FAM98B: variants seen among roughly 807,000 people sequenced by gnomAD.
FAM98B encodes the protein tRNA splicing ligase complex subunit 3B.
Under a neutral mutation model 43.9 loss-of-function variants are expected in FAM98B, and 32 were observed. The ratio of observed to expected loss-of-function variants is 0.73; its 90% CI spans 0.55 to 0.98. FAM98B has a LOEUF of 0.98. Ranked by LOEUF, FAM98B falls within the 50% of genes least tolerant of loss-of-function variation. The pLI is 0.00. For synonymous variants in FAM98B, 190 were observed against 174.0 expected (o/e 1.09, Z -0.72); for missense variants, 514 against 522.9 (o/e 0.98, Z 0.17).
chr15:38,474,445 A>G (rs887440709), intron 6 of FAM98B, 147 bp downstream of exon 6: 18 of 560,354 alleles, frequency 3.2e-5, no homozygotes, highest in Non-Finnish European at 3.2e-6. Context: ...TTACAAGATG[A>G]TCCTGGTCTT....
At chr15:38,461,812 A>C (rs62002926) in intron 1 of FAM98B, among the ~76,000 whole-genome samples, 1,738 of 152,282 alleles carry the variant, frequency 0.011, 20 homozygotes, top group Non-Finnish European at 0.019. Context: ...AAAGTTTGAC[A>C]ACTTTGATGA....
chr15:38,457,740 G>A (rs1360725544), intron 1 of FAM98B, among the ~76,000 whole-genome samples: 1 of 152,088 alleles, frequency 6.6e-6, no homozygotes, highest in African/African-American at 2.4e-5. Context: ...GTTGGGGAGT[G>A]TCCAAGAGGT....
At chr15:38,457,168 G>T (rs1889861877) in intron 1 of FAM98B, among the ~76,000 whole-genome samples, 1 of 152,134 alleles carries the variant, frequency 6.6e-6, no homozygotes, top group African/African-American at 2.4e-5. Context: ...TAAAATTCAA[G>T]GATTCATTTC....
Position 38,486,864 on chromosome 15 carries a change from T to G in FAM98B, c.*2205T>G, listed in dbSNP as rs1890383331. 6.6e-6 allele frequency: 1 copy of G among 152,130 alleles called. No individual in the cohort carries two copies. The highest frequency in any genetic ancestry group is 2.4e-5 in the African/African-American group (1 of 41,454). The allele number at this position is 152,130 out of a possible 1,614,324, so 9.4% of individuals were successfully genotyped here. ...GGGGCCTTAATGGGAAAGGCCATAG[T>G]GTGAAAATGTTTTATAAATTGAGTG... is the stretch of plus-strand genomic sequence containing the variant. On this transcript the variant is annotated 3_prime_UTR_variant, in exon 8 of 8. Coordinates refer to ENST00000397609, the MANE Select transcript of FAM98B (RefSeq NM_173611.4).
intron 6 of FAM98B, among the ~76,000 whole-genome samples, chr15:38,476,858 T>C (rs1272926722): frequency 2.0e-5 from 3 of 152,048 alleles, no homozygotes; most frequent in Non-Finnish European, 4.4e-5. Context: ...GGCCATGGTA[T>C]TGTGTGCCTA....
At chr15:38,466,651 C>T (rs1298698225) in intron 3 of FAM98B, among the ~76,000 whole-genome samples, 1 of 151,954 alleles carries the variant, frequency 6.6e-6, no homozygotes, top group Non-Finnish European at 1.5e-5. Context: ...TTAATGGGTA[C>T]AGAGTTTCAG....
rs148038285 is a variant in FAM98B at position 38,471,324 on chromosome 15, A to G, written c.531+919A>G. 7.4e-4 allele frequency among the ~76,000 whole-genome samples: 113 copies of G among 152,224 alleles called. 1 individual carries two copies. The highest frequency in any genetic ancestry group is 2.6e-3 in the African/African-American group (107 of 41,580). On this transcript the variant is annotated intron_variant, in intron 4 of 7. Transcript: ENST00000397609. ...TTTTTTGGTAGAACTTGCAAACCAG[A>G]GAGTAAGTCTGTGAAAATCAGCTCA...
At chr15:38,462,938 C>G (rs1183454376) in intron 1 of FAM98B, among the ~76,000 whole-genome samples, 1 of 152,102 alleles carries the variant, frequency 6.6e-6, no homozygotes, top group Non-Finnish European at 1.5e-5. Flanking sequence ...GAGGACAAGA[C>G]AAAGGGCTCG....
rs141553952 is a variant in FAM98B at position 38,456,385 on chromosome 15, G to A, written c.71+2153G>A. On this transcript the variant is annotated intron_variant, in intron 1 of 7. Transcript: ENST00000397609. ...CCGAATCATAATCTTCAGAGGTACA[G>A]TACAGACCTGCATATTTTTAAAAAG... Among the ~76,000 whole-genome samples the A allele has an allele frequency of 2.9e-3, 444 of 152,342 alleles. 2 individuals carry two copies. The highest frequency in any genetic ancestry group is 0.01 in the African/African-American group (426 of 41,584).
rs187519736 is a variant in FAM98B at position 38,479,710 on chromosome 15, A to G, written c.730-1582A>G. ...GCATGTTTCTGTGTTTAATTTTTAT[A>G]TATAAATTTCAGAGTAAAATTTTAT... On this transcript the variant is annotated intron_variant, in intron 6 of 7. Coordinates refer to ENST00000397609, the MANE Select transcript of FAM98B (RefSeq NM_173611.4). 2.7e-3 allele frequency among the ~76,000 whole-genome samples: 409 copies of G among 152,270 alleles called. 1 individual carries two copies. The highest frequency in any genetic ancestry group is 6.1e-3 in the Admixed American group (94 of 15,296).
rs1890167853 is a variant in FAM98B at position 38,474,363 on chromosome 15, G to A, written c.729+65G>A. Reference sequence around the variant, plus strand: ...CTATAACAGCTCTTCTGGCTTGCTTGTCTGTTATGTAACCATGCCACATTT... The same window carrying A: ...CTATAACAGCTCTTCTGGCTTGCTTATCTGTTATGTAACCATGCCACATTT... On this transcript the variant is annotated intron_variant, in intron 6 of 7. Coordinates refer to ENST00000397609, the MANE Select transcript of FAM98B (RefSeq NM_173611.4). The A allele has an allele frequency of 3.7e-6, 4 of 1,079,502 alleles. No individual in the cohort carries two copies. The Admixed American group carries it at 5.8e-5, about 16-fold the overall frequency. The allele number at this position is 1,079,502 out of a possible 1,614,324, so 66.9% of individuals were successfully genotyped here.
intron 1 of FAM98B, among the ~76,000 whole-genome samples, chr15:38,460,638 C>T (rs930245800): frequency 5.9e-5 from 9 of 152,230 alleles, no homozygotes; most frequent in East Asian, 3.9e-4. Flanking sequence ...TATTCTTATT[C>T]GGTTATCTAG....
intron 4 of FAM98B, 76 bp from the exon 5 acceptor site, chr15:38,473,429 C>T (rs750734369): frequency 1.4e-5 from 14 of 1,027,180 alleles, no homozygotes; most frequent in Middle Eastern, 3.1e-4. Flanking sequence ...GTGTTCAGAG[C>T]GATACTTTAA....
chr15:38,463,068 A>G (rs1253082634), intron 1 of FAM98B, among the ~76,000 whole-genome samples: 1 of 152,224 alleles, frequency 6.6e-6, no homozygotes, highest in African/African-American at 2.4e-5. Context: ...AATGTTAACA[A>G]AAGTTCAGTT....
chr15:38,470,504 A>G (rs1890114438), intron 4 of FAM98B, 99 bp downstream of exon 4: 2 of 1,076,476 alleles, frequency 1.9e-6, no homozygotes, highest in Non-Finnish European at 2.6e-6. Flanking sequence ...TGAGGTATAC[A>G]TTTTATTTCA....
rs568073032 is a variant in FAM98B at position 38,462,858 on chromosome 15, A to G, written c.72-1174A>G. 2.6e-5 allele frequency among the ~76,000 whole-genome samples: 4 copies of G among 152,308 alleles called. No individual in the cohort carries two copies. In the South Asian group the frequency reaches 8.3e-4, roughly 32 times the overall value. On this transcript the variant is annotated intron_variant, in intron 1 of 7. Coordinates refer to ENST00000397609, the MANE Select transcript of FAM98B (RefSeq NM_173611.4). ...TAAAAGAATCGGGGCTCCTTGGAGA[A>G]ATGCCTGATTCCAAGTCTAAGGCAG...
In FAM98B at chr15:38,454,175, A is replaced by C; in HGVS notation, c.14A>C (p.Glu5Ala). 6.2e-7 allele frequency: 1 copy of C among 1,600,766 alleles called. No homozygotes were observed. The highest frequency in any genetic ancestry group is 8.5e-7 in the Non-Finnish European group (1 of 1,175,138). The change falls in exon 1 of 8, where the codon GAG (glutamate) becomes GCG (alanine). Residue 5 changes from glutamate (E) to alanine (A), a missense_variant. By Grantham distance (107) the Glu-to-Ala change is moderately radical. Transcript: ENST00000397609. MRGP[E>A]PGPQPTMEGD... ...GGCCAAAGGACCATGAGAGGGCCGGAGCCGGGTCCCCAACCGACGATGGAG... is the reference window on the plus strand; with the variant it reads ...GGCCAAAGGACCATGAGAGGGCCGGCGCCGGGTCCCCAACCGACGATGGAG...
intron 7 of FAM98B, chr15:38,482,530 T>G (rs1292620356): frequency 2.0e-5 from 3 of 152,228 alleles, no homozygotes. Flanking sequence ...AGGCTGTTTT[T>G]TGGATTTGGT....
intron 1 of FAM98B, among the ~76,000 whole-genome samples, chr15:38,462,551 TA>T (rs1889966157): frequency 1.3e-5 from 2 of 152,220 alleles, no homozygotes. Flanking sequence ...ATAAAAAAAT[TA>T]AACTGTAATT....
Sources: allele counts gnomAD v4.1 joint callset (sites outside exome capture counted in the v4.1 genomes callset), GRCh38; gene constraint gnomAD v4.1.1; transcripts MANE v1.5; gene names NCBI Gene and HGNC (gene_info 2026-07-23, HGNC 2026-07-21).